ZNF821: variants seen among roughly 807,000 people sequenced by gnomAD.
ZNF821 encodes zinc finger protein 821.
A neutral mutation model predicts 44.3 loss-of-function variants in ZNF821; 16 were observed. That is an observed-to-expected ratio of 0.36 (90% CI 0.24 to 0.55). The LOEUF is 0.55. ZNF821 is among the 20% of genes least tolerant of loss of function. ZNF821 has a pLI of 0.86. For missense variants in ZNF821, 436 were observed against 547.6 expected (o/e 0.80, Z 2.03); for synonymous variants, 204 against 197.6 (o/e 1.03, Z -0.27).
intron 1 of ZNF821, chr16:71,894,194 G>T: frequency 6.6e-6 from 1 of 152,178 alleles, no homozygotes; most frequent in Non-Finnish European, 1.5e-5. Context: ...TGACTGCCCC[G>T]GTACAAGCAT....
At chr16:71,874,186 T>C (rs1352676499) in intron 3 of ZNF821, among the ~76,000 whole-genome samples, 1 of 151,856 alleles carries the variant, frequency 6.6e-6, no homozygotes, top group Non-Finnish European at 1.5e-5. Flanking sequence ...GGTCTTGAAC[T>C]CCTGACCTCA....
intron 2 of ZNF821, chr16:71,881,678 T>C (rs751415783): frequency 2.0e-5 from 3 of 152,226 alleles, no homozygotes; most frequent in Non-Finnish European, 4.4e-5. Context: ...GCTCTATTAA[T>C]ATTTTTAAAA....
chr16:71,876,711 G>C (rs891642123), intron 3 of ZNF821, among the ~76,000 whole-genome samples: 1 of 151,912 alleles, frequency 6.6e-6, no homozygotes, highest in African/African-American at 2.4e-5. Context: ...GGGTTCAAGC[G>C]ATCCTCCCAC....
chr16:71,865,744 T>A (rs1010751818), intron 4 of ZNF821, among the ~76,000 whole-genome samples: 3 of 152,246 alleles, frequency 2.0e-5, no homozygotes, highest in African/African-American at 7.2e-5. Flanking sequence ...AAGTCCATTG[T>A]TTCTGTTGAT....
intron 1 of ZNF821, among the ~76,000 whole-genome samples, chr16:71,893,605 G>T (rs1445281477): frequency 6.8e-6 from 1 of 146,530 alleles, no homozygotes; most frequent in African/African-American, 2.5e-5. Context: ...GATTACAGGT[G>T]TGTTGCCACC....
At chr16:71,881,320 A>G (rs2036401093) in intron 2 of ZNF821, 1 of 152,222 alleles carries the variant, frequency 6.6e-6, no homozygotes, top group African/African-American at 2.4e-5. Context: ...CCCTTACCAA[A>G]AGAATAAAGA....
At chr16:71,892,284 T>G (rs2036890872) in intron 1 of ZNF821, among the ~76,000 whole-genome samples, 1 of 148,748 alleles carries the variant, frequency 6.7e-6, no homozygotes. Flanking sequence ...TTTCAGTCTG[T>G]GAGACAGAGT....
intron 2 of ZNF821, among the ~76,000 whole-genome samples, chr16:71,882,432 G>C (rs9937049): frequency 0.04 from 6,052 of 152,168 alleles, 398 homozygotes; most frequent in African/African-American, 0.14. Context: ...AACTGAAACT[G>C]TAAGATAAAG....
intron 3 of ZNF821, among the ~76,000 whole-genome samples, chr16:71,875,400 G>T (rs1199388572): frequency 1.3e-5 from 2 of 151,702 alleles, no homozygotes; most frequent in African/African-American, 4.8e-5. Flanking sequence ...TCCCGTGTTA[G>T]TCTCCTGAGT....
chr16:71,892,423 AG>A (rs1232369148), intron 1 of ZNF821, among the ~76,000 whole-genome samples: 1 of 147,130 alleles, frequency 6.8e-6, no homozygotes, highest in African/African-American at 2.5e-5. Context: ...CCCGCCACCA[AG>A]CCCGGCTAAT....
At chr16:71,867,451 C>A (rs1156745559) in intron 4 of ZNF821, among the ~76,000 whole-genome samples, 1 of 152,098 alleles carries the variant, frequency 6.6e-6, no homozygotes, top group Admixed American at 6.5e-5. Context: ...CTTTGGGAGG[C>A]CGAGGTGAGT....
chr16:71,892,178 CAAA>C (rs560376648), intron 1 of ZNF821, among the ~76,000 whole-genome samples: 3 of 31,936 alleles, frequency 9.4e-5, no homozygotes, highest in Non-Finnish European at 1.2e-4. Flanking sequence ...AACTCCGTCT[CAAA>C]AAAAAAAAAA....
upstream of ZNF821, among the ~76,000 whole-genome samples, chr16:71,887,496 C>T (rs1212871729): frequency 6.6e-6 from 1 of 152,104 alleles, no homozygotes; most frequent in Admixed American, 6.6e-5. Flanking sequence ...CTCCTGACCT[C>T]GTGATCCGCC....
At chr16:71,873,511 T>G (rs1397357896) in intron 3 of ZNF821, among the ~76,000 whole-genome samples, 3 of 152,260 alleles carry the variant, frequency 2.0e-5, no homozygotes, top group Non-Finnish European at 4.4e-5. Flanking sequence ...ACTAGATATT[T>G]CTGAGGAAAG....
rs754138953 is a variant in ZNF821 at position 71,861,945 on chromosome 16, G to A, written c.418-3C>T. The A allele has an allele frequency of 1.2e-6, 2 of 1,613,764 alleles. No individual in the cohort carries two copies. The highest frequency in any genetic ancestry group is 8.5e-7 in the Non-Finnish European group (1 of 1,179,764). ...GCGCTCACCACTGCTGCAGTGTGCT[G>A]TAAAACAGAGCCTTGATCTGTCAGT... On this transcript the variant is annotated splice_region_variant and splice_polypyrimidine_tract_variant and intron_variant, in intron 6 of 7. Coordinates refer to ENST00000425432, the MANE Select transcript of ZNF821 (RefSeq NM_001201552.2).
At chr16:71,875,799 A>AGGACAACAG (rs1340979723) in intron 3 of ZNF821, among the ~76,000 whole-genome samples, 2 of 151,974 alleles carry the variant, frequency 1.3e-5, no homozygotes, top group Non-Finnish European at 2.9e-5. Flanking sequence ...GGGTTTCACC[A>AGGACAACAG]TGTTGTCCAG....
At position 71,874,649 on chromosome 16, in the gene ZNF821, T is replaced by C. The variant is rs2035606540; in HGVS notation, c.40+5258A>G. Among the ~76,000 whole-genome samples, 3 of 152,102 alleles carry C rather than the reference T, an allele frequency of 2.0e-5. No individual in the cohort carries two copies. The East Asian group carries it at 5.8e-4, about 30-fold the overall frequency. On this transcript the variant is annotated intron_variant, in intron 3 of 7. Transcript: ENST00000425432. ...TTTGGATTTTAGTGGAGACAGGGTT[T>C]TGCCATGTTGGCCAGGCTGGTCTTG...
At chr16:71,874,813 A>G (rs926279020) in intron 3 of ZNF821, among the ~76,000 whole-genome samples, 1 of 152,192 alleles carries the variant, frequency 6.6e-6, no homozygotes, top group African/African-American at 2.4e-5. Flanking sequence ...AGTTGGTTCT[A>G]TTTCACTGCA....
At chr16:71,894,948 AC>A in exon 1 of ZNF821, 2 of 888,276 alleles carry the variant, frequency 2.3e-6, no homozygotes, top group South Asian at 1.4e-5. Flanking sequence ...ACTGAATTAT[AC>A]CACACAGACC....
Sources: allele counts gnomAD v4.1 joint callset (sites outside exome capture counted in the v4.1 genomes callset), GRCh38; gene constraint gnomAD v4.1.1; transcripts MANE v1.5; gene names NCBI Gene and HGNC (gene_info 2026-07-23, HGNC 2026-07-21).